The following ZNFX1 variants were observed in gnomAD, a reference collection of about 807,000 sequenced individuals.
The protein encoded by ZNFX1 is zinc finger NFX1-type containing 1.
A neutral mutation model predicts 179.8 loss-of-function variants in ZNFX1; 78 were observed. That is an observed-to-expected ratio of 0.43 (90% CI 0.36 to 0.52). The LOEUF (loss-of-function observed/expected upper bound fraction) is 0.52, where lower values mean the gene tolerates loss of function less well. ZNFX1 is among the 20% of genes least tolerant of loss of function. ZNFX1 has a pLI of 0.00. For missense variants in ZNFX1, 1,927 were observed against 2,386.6 expected, an observed-to-expected ratio of 0.81 and a Z score of 4.01; for synonymous variants, 848 against 868.5, an observed-to-expected ratio of 0.98 and a Z score of 0.42.
chr20:49,270,504 T>A lies in ZNFX1; in HGVS notation c.1308A>T (p.Pro436=). Residue 436 remains proline (P), a synonymous_variant, in exon 3 of 14, where the codon CCA becomes CCT. Transcript: ENST00000396105. This position sits in a 1 kb window ranked among gnomAD's most constrained non-coding sequence, Gnocchi z 4.6. ...AATTCTGCCAGCGAACAAACTTCAG[T>A]GGTTTTGTGTCAAACTGCACCTTGT... The part of the protein sequence containing the change: ...IVYKVQFDTK[P]LKFVRWQNSK... 6.2e-7 allele frequency: 1 copy of A among 1,614,240 alleles called. No homozygotes were observed. The highest frequency in any genetic ancestry group is 2.2e-5 in the East Asian group (1 of 44,892).
rs1235077879 is a variant in ZNFX1, at chr20:49,253,704, C to T, written c.3067G>A (p.Ala1023Thr). 6.2e-7 allele frequency: 1 copy of T among 1,614,228 alleles called. No homozygotes were observed. The highest frequency in any genetic ancestry group is 8.5e-7 in the Non-Finnish European group (1 of 1,180,044). Reference sequence around the variant, plus strand: ...CCAATCAAAATGAGGTGCTGGCAAGCTTTGCTCAATGTGGCAATGGTATGG... The same window carrying T: ...CCAATCAAAATGAGGTGCTGGCAAGTTTTGCTCAATGTGGCAATGGTATGG... Reference protein sequence around the residue: ...EAHTIATLSKACQHLILIGDH... With the variant: ...EAHTIATLSKTCQHLILIGDH... The change falls in exon 11 of 14, where the codon GCT becomes ACT. Residue 1023 changes from alanine (A) to threonine (T), a missense_variant. By Grantham distance (58) the Ala-to-Thr change is moderately conservative. Transcript: ENST00000396105.
intron 5 of ZNFX1, among the ~76,000 whole-genome samples, chr20:49,264,316 A>G (rs1981186575): frequency 6.6e-6 from 1 of 152,252 alleles, no homozygotes. Flanking sequence ...AAACAGGCCA[A>G]GAATACTGTG....
chr20:49,269,479 C>T (rs988176441), intron 3 of ZNFX1, among the ~76,000 whole-genome samples: 6 of 152,106 alleles, frequency 3.9e-5, no homozygotes, highest in South Asian at 2.1e-4. Flanking sequence ...GTCGGGAGTT[C>T]GAGATCAGCC....
chr20:49,270,095 T>G lies in ZNFX1; in HGVS notation c.1717A>C (p.Asn573His). The change falls in exon 3 of 14, where the codon AAT becomes CAT. Residue 573 changes from asparagine to histidine, a missense_variant. Transcript: ENST00000396105. This position sits in a 1 kb window ranked among gnomAD's most constrained non-coding sequence, Gnocchi z 4.6. The stretch of plus-strand genomic sequence containing the variant: ...CTGGGATGTCTCAAACCCTCGACAT[T>G]TCTTAGAAATTCCCCAGTGGCTGAA... ...NPSATGEFLR[N>H]VEGLRHPRIN... 4.3e-6 allele frequency: 7 copies of G among 1,614,234 alleles called. No individual in the cohort carries two copies. Among genetic ancestry groups the G allele is most frequent in the Non-Finnish European group, 5.9e-6 (7 of 1,180,040 alleles).
In ZNFX1 at chr20:49,253,658, C is replaced by G. The variant is rs1221681131; in HGVS notation, c.3105+8G>C. ...CCAGCCCATCTTCTAGGGGGACTCT[C>G]GTTTTACCTGCTGGTGGTCCCCAAT... is the stretch of plus-strand genomic sequence containing the variant. On this transcript the variant is annotated splice_region_variant and intron_variant, in intron 11 of 13. Coordinates refer to ENST00000396105, the MANE Select transcript of ZNFX1 (RefSeq NM_021035.3). 2.5e-6 allele frequency: 4 copies of G among 1,613,708 alleles called. No individual in the cohort carries two copies. The African/African-American group carries it at 5.3e-5, about 22-fold the overall frequency.
At chr20:49,257,279 A>G in intron 8 of ZNFX1, 138 bp downstream of exon 8, 1 of 1,249,322 alleles carries the variant, frequency 8.0e-7, no homozygotes, top group Non-Finnish European at 1.1e-6. Flanking sequence ...CACTAAAGCC[A>G]TCTCATACCA....
At chr20:49,260,172 T>C (rs1981077623) in intron 7 of ZNFX1, among the ~76,000 whole-genome samples, 2 of 151,686 alleles carry the variant, frequency 1.3e-5, no homozygotes, top group African/African-American at 4.8e-5. Flanking sequence ...TAATGCCAGC[T>C]ACTTGGGAGG....
Position 49,254,610 on chromosome 20 carries a change from C to A in ZNFX1, c.2844G>T (p.Lys948Asn). ...GGTACTGGCGTTCATAGCTGAGGAT[C>A]TTCCGGCGGGTGTCAGCCTGGTACA... ...LQLYQADTRRKILSYERQYRT... is the reference protein window; with the variant it reads ...LQLYQADTRRNILSYERQYRT... The change falls in exon 10 of 14, where the codon AAG becomes AAT. Residue 948 changes from lysine (K) to asparagine (N), a missense_variant. Lys to Asn is a moderately conservative substitution (Grantham distance 94). Transcript: ENST00000396105. 3 of 1,614,140 alleles carry A rather than the reference C, an allele frequency of 1.9e-6. No homozygotes were observed. The highest frequency in any genetic ancestry group is 2.5e-6 in the Non-Finnish European group (3 of 1,180,024).
chr20:49,263,207 G>C, intron 6 of ZNFX1, 127 bp downstream of exon 6: 1 of 1,207,054 alleles, frequency 8.3e-7, no homozygotes, highest in Non-Finnish European at 1.1e-6. Flanking sequence ...TCACAAAAGG[G>C]AACTTTACAC....
At chr20:49,267,237 T>C (rs1600994758) in intron 3 of ZNFX1, among the ~76,000 whole-genome samples, 1 of 152,204 alleles carries the variant, frequency 6.6e-6, no homozygotes, top group Non-Finnish European at 1.5e-5. Flanking sequence ...AGGTAGACAC[T>C]GTCCTCAAAA....
Position 49,255,889 on chromosome 20 carries a change from A to G in ZNFX1, c.2723T>C (p.Leu908Pro). The G allele has an allele frequency of 6.2e-7, 1 of 1,614,162 alleles. No homozygotes were observed. The highest frequency in any genetic ancestry group is 8.5e-7 in the Non-Finnish European group (1 of 1,180,032). Residue 908 changes from leucine (L) to proline (P), a missense_variant, in exon 9 of 14, where the codon CTG becomes CCG. Physicochemically the swap from Leu to Pro is moderately conservative, Grantham distance 98. Transcript: ENST00000396105. ...KKRVKDELRK[L>P]NTMTAAEANE... ...GGCCTCGGCTGCAGTCATGGTGTTC[A>G]GTTTGCGAAGCTCATCCTTCACTCT...
intron 9 of ZNFX1, among the ~76,000 whole-genome samples, chr20:49,255,163 C>T (rs1980938395): frequency 6.6e-6 from 1 of 151,962 alleles, no homozygotes; most frequent in South Asian, 2.1e-4. Flanking sequence ...CCTGCCTCAG[C>T]CTCCCGAGTA....
chr20:49,259,120 A>C (rs1483737674), intron 7 of ZNFX1, among the ~76,000 whole-genome samples: 12 of 89,506 alleles, frequency 1.3e-4, no homozygotes, highest in Admixed American at 1.3e-3. Flanking sequence ...AAAAAAAAAT[A>C]AATAAATAAA....
chr20:49,256,073 AT>A (rs1273579926), intron 8 of ZNFX1, 126 bp from the exon 9 acceptor site: 6 of 1,222,634 alleles, frequency 4.9e-6, no homozygotes, highest in Middle Eastern at 2.9e-4. Flanking sequence ...AGTGTCTTAC[AT>A]TCTCCCAACA....
At chr20:49,266,929 T>C (rs1487054295) in intron 3 of ZNFX1, among the ~76,000 whole-genome samples, 1 of 152,136 alleles carries the variant, frequency 6.6e-6, no homozygotes, top group East Asian at 1.9e-4. Context: ...GGAGTTTCGC[T>C]CTTGTTGCCC....
chr20:49,253,495 C>T (rs1436171555), intron 11 of ZNFX1, among the ~76,000 whole-genome samples, 171 bp downstream of exon 11: 1 of 152,060 alleles, frequency 6.6e-6, no homozygotes, highest in Non-Finnish European at 1.5e-5. Flanking sequence ...TAAAATATAC[C>T]CCAAATCTAA....
In ZNFX1 at chr20:49,249,709, C is replaced by T; in HGVS notation, c.3315G>A (p.Gly1105=). The T allele has an allele frequency of 6.2e-7, 1 of 1,605,902 alleles. No homozygotes were observed. Among genetic ancestry groups the T allele is most frequent in the African/African-American group, 1.3e-5 (1 of 74,736 alleles). The change falls in exon 14 of 14, where the codon GGG becomes GGA. Residue 1105 remains glycine, a splice_region_variant and synonymous_variant. Transcript: ENST00000396105. ...PSVLKYEKIK[G]VSSNLFFVEH... ...CTACAAAGAAAAGGTTGGAAGACACCCCCTGACAGGGAAAAGAAGTGACAT... is the reference window on the plus strand; with the variant it reads ...CTACAAAGAAAAGGTTGGAAGACACTCCCTGACAGGGAAAAGAAGTGACAT...
At chr20:49,262,013 A>G (rs1269172650) in intron 6 of ZNFX1, among the ~76,000 whole-genome samples, 1 of 141,568 alleles carries the variant, frequency 7.1e-6, no homozygotes, top group African/African-American at 2.6e-5. Flanking sequence ...AGTTAAAAAA[A>G]AAATTAAAAA....
At chr20:49,269,001 T>C (rs1463426054) in intron 3 of ZNFX1, among the ~76,000 whole-genome samples, 1 of 152,218 alleles carries the variant, frequency 6.6e-6, no homozygotes, top group Non-Finnish European at 1.5e-5. Context: ...AGTCCCATTA[T>C]TGGGTATATA....
Sources: gnomAD v4.1 joint callset for allele counts (sites outside exome capture counted in the v4.1 genomes callset) on GRCh38, gnomAD v4.1.1 for gene constraint, Gnocchi (gnomAD v3.1) non-coding constraint, MANE v1.5 for transcripts, NCBI Gene and HGNC (gene_info 2026-07-23, HGNC 2026-07-21) for gene names.